Variants in SNX8 observed in about 807,000 individuals in gnomAD.
The protein encoded by SNX8 is sorting nexin 8.
A neutral mutation model predicts 51.6 loss-of-function variants in SNX8; 25 were observed. The ratio of observed to expected loss-of-function variants is 0.48; its 90% CI spans 0.35 to 0.68. The LOEUF is 0.68. SNX8 is among the 30% of genes least tolerant of loss of function. SNX8 has a pLI of 0.00. For synonymous variants in SNX8, 324 were observed against 277.0 expected, an observed-to-expected ratio of 1.17 and a Z score of -1.68; for missense variants, 695 against 624.0, an observed-to-expected ratio of 1.11 and a Z score of -1.21.
chr7:2,323,359 AAAC>A (rs1375613274), intron 1 of SNX8, among the ~76,000 whole-genome samples: 1 of 151,550 alleles, frequency 6.6e-6, no homozygotes, highest in African/African-American at 2.4e-5. Flanking sequence ...ACAACCAAAC[AAAC>A]AAAAAAACTA....
intron 1 of SNX8, among the ~76,000 whole-genome samples, chr7:2,290,681 T>C (rs1405720024): frequency 6.6e-6 from 1 of 152,144 alleles, no homozygotes; most frequent in African/African-American, 2.4e-5. Context: ...TCCCAGCACC[T>C]GTGAGGTCTC....
At chr7:2,286,957 G>A (rs1241506530) in intron 1 of SNX8, among the ~76,000 whole-genome samples, 2 of 150,182 alleles carry the variant, frequency 1.3e-5, no homozygotes, top group Non-Finnish European at 1.5e-5. Context: ...TGGCCAACAT[G>A]GTGAAACTCC....
In SNX8 at chr7:2,255,043, T is replaced by TAG. The variant is rs1795142219; in HGVS notation, c.*12_*13insCT. The stretch of plus-strand genomic sequence containing the variant: ...TAGTGCGGCCGCAGGGAGCACCACC[T>TAG]CAGCCTCAGGCGCTAGTGAGGACAC... On this transcript the variant is annotated 3_prime_UTR_variant, in exon 11 of 11. Coordinates refer to ENST00000222990, the MANE Select transcript of SNX8 (RefSeq NM_013321.4). 6.5e-7 allele frequency: 1 copy of TAG among 1,527,060 alleles called. No homozygotes were observed. The highest frequency in any genetic ancestry group is 8.9e-7 in the Non-Finnish European group (1 of 1,123,578). 94.6% of individuals were successfully genotyped at this position (1,527,060 alleles called of 1,614,324 possible).
At chr7:2,268,521 G>C (rs1318188200) in intron 5 of SNX8, among the ~76,000 whole-genome samples, 2 of 143,116 alleles carry the variant, frequency 1.4e-5, no homozygotes. Flanking sequence ...CCCCCCGCCC[G>C]GCCAGCCGTG....
At chr7:2,316,493 G>A (rs569975679), upstream of SNX8, among the ~76,000 whole-genome samples, 6 of 130,978 alleles carry the variant, frequency 4.6e-5, no homozygotes, top group South Asian at 1.5e-3. Context: ...ACTGCATCCT[G>A]CATTCATTCA....
intron 1 of SNX8, among the ~76,000 whole-genome samples, chr7:2,348,950 C>CAAAA (rs60816121): frequency 1.4e-4 from 8 of 55,734 alleles, no homozygotes; most frequent in African/African-American, 2.3e-4. Context: ...GACTCTGTCT[C>CAAAA]AAAAAAAAAA....
At chr7:2,267,858 G>T (rs1230422499) in intron 5 of SNX8, among the ~76,000 whole-genome samples, 3 of 116,632 alleles carry the variant, frequency 2.6e-5, no homozygotes, top group Non-Finnish European at 5.4e-5. Flanking sequence ...ATCCCATCTA[G>T]GAAGTGAGGA....
intron 1 of SNX8, among the ~76,000 whole-genome samples, chr7:2,305,056 T>G (rs1796516252): frequency 6.6e-6 from 1 of 152,226 alleles, no homozygotes; most frequent in African/African-American, 2.4e-5. Context: ...CCGGAGGGTC[T>G]GGGTGCTCCT....
At chr7:2,353,542 A>G (rs1048472658) in intron 1 of SNX8, among the ~76,000 whole-genome samples, 5 of 152,080 alleles carry the variant, frequency 3.3e-5, no homozygotes, top group African/African-American at 7.2e-5. Context: ...TTGGCCTCCC[A>G]AAGTACTGGG....
At chr7:2,289,516 GT>G (rs1267115699) in intron 1 of SNX8, among the ~76,000 whole-genome samples, 1 of 152,122 alleles carries the variant, frequency 6.6e-6, no homozygotes, top group Non-Finnish European at 1.5e-5. Flanking sequence ...TTTTAACACA[GT>G]TGCGATCCAT....
At chr7:2,290,298 C>A (rs542079569) in intron 1 of SNX8, among the ~76,000 whole-genome samples, 21 of 151,988 alleles carry the variant, frequency 1.4e-4, no homozygotes, top group Non-Finnish European at 2.9e-4. Flanking sequence ...GCCTGGAGTT[C>A]GAGACCAGCC....
Position 2,289,821 on chromosome 7 carries a change from G to A in SNX8, c.95-11516C>T, listed in dbSNP as rs547650766. Among the ~76,000 whole-genome samples the A allele has an allele frequency of 3.1e-4, 47 of 152,296 alleles. No homozygotes were observed. The East Asian group carries it at 8.7e-3, about 28-fold the overall frequency. On this transcript the variant is annotated intron_variant, in intron 1 of 10. Transcript: ENST00000222990. The stretch of plus-strand genomic sequence containing the variant: ...ACCTATAGTCCCAGCTATTCGGGAG[G>A]GTGAGGCGGAGGCTACAGTGAGCCA...
chr7:2,281,590 C>T (rs1474279218), intron 1 of SNX8, among the ~76,000 whole-genome samples: 1 of 152,114 alleles, frequency 6.6e-6, no homozygotes, highest in Non-Finnish European at 1.5e-5. Context: ...ACTGACACCC[C>T]TTGAAGCAGT....
At chr7:2,347,219 C>T (rs1011821630) in intron 1 of SNX8, among the ~76,000 whole-genome samples, 7 of 152,154 alleles carry the variant, frequency 4.6e-5, no homozygotes, top group African/African-American at 1.7e-4. Flanking sequence ...CAGTGGCTCA[C>T]GCCTGTAATC....
intron 7 of SNX8, among the ~76,000 whole-genome samples, chr7:2,259,093 G>C (rs547273121): frequency 6.6e-6 from 1 of 152,288 alleles, no homozygotes; most frequent in African/African-American, 2.4e-5. Context: ...ATGAAGAGTC[G>C]GTCCAAAGCC....
intron 1 of SNX8, among the ~76,000 whole-genome samples, chr7:2,337,549 G>A (rs1746755373): frequency 6.6e-6 from 1 of 152,134 alleles, no homozygotes; most frequent in Non-Finnish European, 1.5e-5. Context: ...ATTTGGAAAT[G>A]TAAAATAATC....
chr7:2,312,721 C>A (rs1360698826), intron 1 of SNX8, among the ~76,000 whole-genome samples: 1 of 151,918 alleles, frequency 6.6e-6, no homozygotes, highest in Non-Finnish European at 1.5e-5. Context: ...CGACACCTTG[C>A]CAGACCTCCC....
chr7:2,265,391 C>G (rs375187663), intron 5 of SNX8, among the ~76,000 whole-genome samples: 4 of 152,062 alleles, frequency 2.6e-5, no homozygotes, highest in African/African-American at 9.7e-5. Flanking sequence ...ACACCTGTAC[C>G]CCAGCGCTCT....
chr7:2,344,543 C>T (rs902129858), intron 1 of SNX8, among the ~76,000 whole-genome samples: 6 of 146,392 alleles, frequency 4.1e-5, no homozygotes, highest in South Asian at 4.3e-4. Context: ...ACCTGGGAGG[C>T]GGAGGTAGCA....
Sources: allele counts gnomAD v4.1 joint callset (sites outside exome capture counted in the v4.1 genomes callset), GRCh38; gene constraint gnomAD v4.1.1; transcripts MANE v1.5; gene names NCBI Gene and HGNC (gene_info 2026-07-23, HGNC 2026-07-21).